RHOB: variants seen among roughly 807,000 people sequenced by gnomAD.
RHOB encodes ras homolog family member B, also known as rho-related GTP-binding protein RhoB.
In RHOB, 6 loss-of-function variants were observed where a neutral mutation model predicts 12.9. That is an observed-to-expected ratio of 0.47 (90% confidence interval 0.25 to 0.92). The LOEUF is 0.92. RHOB is among the 40% of genes least tolerant of loss of function. RHOB has a pLI of 0.16. For synonymous variants in RHOB, 168 were observed against 122.1 expected, an observed-to-expected ratio of 1.38 and a Z score of -2.48; for missense variants, 142 against 277.9, an observed-to-expected ratio of 0.51 and a Z score of 3.48.
In RHOB at chr2:20,447,920, A is replaced by G; in HGVS notation, c.455A>G (p.Gln152Arg). ...GGCCGCGCCATGGCCGTGCGCATCC[A>G]AGCCTACGACTACCTCGAGTGCTCT... ...DDGRAMAVRI[Q>R]AYDYLECSAK... The change falls in exon 1 of 1, where the codon CAA (glutamine) becomes CGA (arginine). Residue 152 changes from glutamine to arginine, a missense_variant. Physicochemically the swap from Gln to Arg is conservative, Grantham distance 43. Around this residue, in one of 2 missense-constraint regions of RHOB, gnomAD observed 113 missense variants for 166.3 expected, o/e 0.68. Coordinates refer to ENST00000272233, the MANE Select transcript of RHOB (RefSeq NM_004040.4). The G allele has an allele frequency of 6.2e-7, 1 of 1,613,126 alleles. No homozygotes were observed. Among genetic ancestry groups the G allele is most frequent in the Non-Finnish European group, 8.5e-7 (1 of 1,179,980 alleles).
Position 20,447,389 on chromosome 2 carries a change from GGTGAGCA to G in RHOB, c.-70_-64del. 1.3e-5 allele frequency: 16 copies of G among 1,208,140 alleles called. No homozygotes were observed. Among genetic ancestry groups the G allele is most frequent in the Non-Finnish European group, 1.5e-5 (13 of 873,998 alleles). The allele number at this position is 1,208,140 out of a possible 1,614,324, so 74.8% of individuals were successfully genotyped here. On this transcript the variant is annotated 5_prime_UTR_variant, in exon 1 of 1. Transcript: ENST00000272233. ...CTCTCGCCACCTGCGCGCAGCCCGA[GGTGAGCA>G]GTGAGCGGCGAGCGGGAGGGCAGCG...
rs937643404 is a variant in RHOB at position 20,447,209 on chromosome 2, C to T, written c.-257C>T. The stretch of plus-strand genomic sequence containing the variant: ...CGCGTTACGCACAAAGCCGCCGATC[C>T]CCGGCCTGGGGTGAGCAGAGCGACC... On this transcript the variant is annotated 5_prime_UTR_variant, in exon 1 of 1. Transcript: ENST00000272233. The T allele has an allele frequency of 2.3e-5, 8 of 344,596 alleles. No individual in the cohort carries two copies. The highest frequency in any genetic ancestry group is 4.9e-5 in the Admixed American group (1 of 20,560). The allele number at this position is 344,596 out of a possible 1,614,324, so 21.3% of individuals were successfully genotyped here.
At position 20,448,244 on chromosome 2, in the gene RHOB, T is replaced by A; in HGVS notation, c.*188T>A. On this transcript the variant is annotated 3_prime_UTR_variant, in exon 1 of 1. Coordinates refer to ENST00000272233, the MANE Select transcript of RHOB (RefSeq NM_004040.4). ...CACCGGGCGCCCCCATCCCAGTGTC[T>A]GTGTGCGTCCAGCTGTGTTGCACAG... is the stretch of plus-strand genomic sequence containing the variant. 1.6e-6 allele frequency: 1 copy of A among 620,466 alleles called. No individual in the cohort carries two copies. Among genetic ancestry groups the A allele is most frequent in the East Asian group, 2.8e-5 (1 of 36,128 alleles). The allele number at this position is 620,466 out of a possible 1,614,324, so 38.4% of individuals were successfully genotyped here.
In RHOB at chr2:20,447,430, G is replaced by T; in HGVS notation, c.-36G>T. 1 of 1,526,546 alleles carries T rather than the reference G, an allele frequency of 6.6e-7. No homozygotes were observed. The allele number at this position is 1,526,546 out of a possible 1,614,324, so 94.6% of individuals were successfully genotyped here. A position where few individuals can be genotyped will look rare whatever the true frequency, so the allele number is the denominator to read the frequency against. On this transcript the variant is annotated 5_prime_UTR_variant, in exon 1 of 1. Coordinates refer to ENST00000272233, the MANE Select transcript of RHOB (RefSeq NM_004040.4). ...CGAGCGGGAGGGCAGCGAGGCGTTC[G>T]CGGGCCCCCTCCTGCTGCCCGGGCC...
Position 20,447,258 on chromosome 2 carries a change from G to A in RHOB, c.-208G>A. 5.1e-6 allele frequency: 2 copies of A among 393,692 alleles called. No individual in the cohort carries two copies. The highest frequency in any genetic ancestry group is 8.9e-6 in the Non-Finnish European group (2 of 225,118). 24.4% of individuals were successfully genotyped at this position (393,692 alleles called of 1,614,324 possible). ...CCACCGCCCGGGAGCAGCGCGGCGAGACGCACGGTGCGCCCTATGCCCCCG... is the reference window on the plus strand; with the variant it reads ...CCACCGCCCGGGAGCAGCGCGGCGAAACGCACGGTGCGCCCTATGCCCCCG... On this transcript the variant is annotated 5_prime_UTR_variant, in exon 1 of 1. Transcript: ENST00000272233.
rs752357514 is a variant in RHOB at position 20,447,540 on chromosome 2, C to T, written c.75C>T (p.Phe25=). 2 of 1,614,154 alleles carry T rather than the reference C, an allele frequency of 1.2e-6. No individual in the cohort carries two copies. Among genetic ancestry groups the T allele is most frequent in the Non-Finnish European group, 1.7e-6 (2 of 1,180,026 alleles). The change falls in exon 1 of 1, where the codon TTC becomes TTT. Residue 25 remains phenylalanine, a synonymous_variant. Coordinates refer to ENST00000272233, the MANE Select transcript of RHOB (RefSeq NM_004040.4). The part of the protein sequence containing the change: ...ACGKTCLLIV[F]SKDEFPEVYV... ...GCAAGACGTGCCTGCTGATCGTGTT[C>T]AGTAAGGACGAGTTCCCCGAGGTGT... is the stretch of plus-strand genomic sequence containing the variant.
At position 20,448,158 on chromosome 2, in the gene RHOB, C is replaced by T. The variant is rs1691038392; in HGVS notation, c.*102C>T. 9.5e-7 allele frequency: 1 copy of T among 1,049,204 alleles called. No homozygotes were observed. Among genetic ancestry groups the T allele is most frequent in the Non-Finnish European group, 1.4e-6 (1 of 730,148 alleles). The allele number at this position is 1,049,204 out of a possible 1,614,324, so 65.0% of individuals were successfully genotyped here. On this transcript the variant is annotated 3_prime_UTR_variant, in exon 1 of 1. Coordinates refer to ENST00000272233, the MANE Select transcript of RHOB (RefSeq NM_004040.4). ...GGAGACCCGTGTCCCACAAGGACCC[C>T]ACCGGCCTGCCTGGCATCTGTCTGC...
At position 20,447,364 on chromosome 2, in the gene RHOB, C is replaced by G; in HGVS notation, c.-102C>G. The G allele has an allele frequency of 1.1e-6, 1 of 900,678 alleles. No individual in the cohort carries two copies. The highest frequency in any genetic ancestry group is 3.8e-5 in the Admixed American group (1 of 25,990). 55.8% of individuals were successfully genotyped at this position (900,678 alleles called of 1,614,324 possible). A position where few individuals can be genotyped will look rare whatever the true frequency, so the allele number is the denominator to read the frequency against. ...CGGGGCCCGGGTGCAGCTAGCGACC[C>G]TCTCGCCACCTGCGCGCAGCCCGAG... On this transcript the variant is annotated 5_prime_UTR_variant, in exon 1 of 1. Transcript: ENST00000272233.
Position 20,448,085 on chromosome 2 carries a change from C to G in RHOB, c.*29C>G, listed in dbSNP as rs752630835. On this transcript the variant is annotated 3_prime_UTR_variant, in exon 1 of 1. Transcript: ENST00000272233. ...CCGCGCCCGTCGCGCCTGCCCCTGC[C>G]GGCACGGCTCCCCCTCCTGGACCAG... The G allele has an allele frequency of 5.8e-5, 90 of 1,557,806 alleles. 1 individual carries two copies. Among genetic ancestry groups the G allele is most frequent in the Non-Finnish European group, 1.5e-5 (17 of 1,141,150 alleles).
Position 20,447,127 on chromosome 2 carries a change from G to A in RHOB, c.-339G>A. 8.1e-6 allele frequency: 2 copies of A among 247,850 alleles called. No homozygotes were observed. The highest frequency in any genetic ancestry group is 7.7e-6 in the Non-Finnish European group (1 of 130,432). 15.4% of individuals were successfully genotyped at this position (247,850 alleles called of 1,614,324 possible). A position where few individuals can be genotyped will look rare whatever the true frequency, so the allele number is the denominator to read the frequency against. Reference sequence around the variant, plus strand: ...TTGTCTTGTATGCTCAGCGAGGCCCGGAGAGACCCGGGAGAGAGCTAGGCC... The same window carrying A: ...TTGTCTTGTATGCTCAGCGAGGCCCAGAGAGACCCGGGAGAGAGCTAGGCC... On this transcript the variant is annotated 5_prime_UTR_variant, in exon 1 of 1. Coordinates refer to ENST00000272233, the MANE Select transcript of RHOB (RefSeq NM_004040.4).
Position 20,447,501 on chromosome 2 carries a change from C to T in RHOB, c.36C>T (p.Gly12=), listed in dbSNP as rs1395748990. The T allele has an allele frequency of 6.2e-7, 1 of 1,612,558 alleles. No homozygotes were observed. Among genetic ancestry groups the T allele is most frequent in the East Asian group, 2.2e-5 (1 of 44,872 alleles). Residue 12 remains glycine, a synonymous_variant, in exon 1 of 1, where the codon GGC becomes GGT. Transcript: ENST00000272233. ...TCCGCAAGAAGCTGGTGGTGGTGGG[C>T]GACGGCGCGTGTGGCAAGACGTGCC... ...AAIRKKLVVV[G]DGACGKTCLL...
chr2:20,448,469 T>G lies in RHOB; in HGVS notation c.*413T>G, dbSNP rs1022405809. 2.5e-5 allele frequency: 5 copies of G among 197,812 alleles called. No homozygotes were observed. The highest frequency in any genetic ancestry group is 4.6e-5 in the Non-Finnish European group (4 of 87,742). 12.3% of individuals were successfully genotyped at this position (197,812 alleles called of 1,614,324 possible). On this transcript the variant is annotated 3_prime_UTR_variant, in exon 1 of 1. Transcript: ENST00000272233. Reference sequence around the variant, plus strand: ...ATGTTCGCCCTTCACCAGCGGGAGCTTGATATCCCTTGTCTGTAACATAGA... The same window carrying G: ...ATGTTCGCCCTTCACCAGCGGGAGCGTGATATCCCTTGTCTGTAACATAGA...
rs145127070 is a variant in RHOB at position 20,447,564 on chromosome 2, G to C, written c.99G>C (p.Val33=). The change falls in exon 1 of 1, where the codon GTG becomes GTC. Residue 33 remains valine, a synonymous_variant. Transcript: ENST00000272233. ...IVFSKDEFPE[V]YVPTVFENYV... ...TCAGTAAGGACGAGTTCCCCGAGGT[G>C]TACGTGCCCACCGTCTTCGAGAACT... The C allele has an allele frequency of 2.2e-4, 355 of 1,614,122 alleles. 1 individual carries two copies. In the African/African-American group the frequency reaches 4.3e-3, roughly 20 times the overall value.
Position 20,447,171 on chromosome 2 carries a change from T to A in RHOB, c.-295T>A. On this transcript the variant is annotated 5_prime_UTR_variant, in exon 1 of 1. Coordinates refer to ENST00000272233, the MANE Select transcript of RHOB (RefSeq NM_004040.4). ...CTAGGCCGAGTCCACCGCCCGAGTC[T>A]GCTGCCCGAGCCCGCGTTACGCACA... 1 of 307,558 alleles carries A rather than the reference T, an allele frequency of 3.3e-6. No individual in the cohort carries two copies. The highest frequency in any genetic ancestry group is 5.9e-6 in the Non-Finnish European group (1 of 169,168). 19.1% of individuals were successfully genotyped at this position (307,558 alleles called of 1,614,324 possible).
At position 20,448,480 on chromosome 2, in the gene RHOB, T is replaced by G. The variant is rs567008393; in HGVS notation, c.*424T>G. ...TCACCAGCGGGAGCTTGATATCCCT[T>G]GTCTGTAACATAGACCCCGGGTACT... On this transcript the variant is annotated 3_prime_UTR_variant, in exon 1 of 1. Transcript: ENST00000272233. The G allele has an allele frequency of 3.7e-5, 7 of 189,098 alleles. No individual in the cohort carries two copies. Among genetic ancestry groups the G allele is most frequent in the South Asian group, 2.7e-4 (2 of 7,468 alleles). 11.7% of individuals were successfully genotyped at this position (189,098 alleles called of 1,614,324 possible). A position where few individuals can be genotyped will look rare whatever the true frequency, so the allele number is the denominator to read the frequency against.
Position 20,447,111 on chromosome 2 carries a change from A to T in RHOB, c.-355A>T. The T allele has an allele frequency of 4.5e-6, 1 of 221,926 alleles. No homozygotes were observed. 13.7% of individuals were successfully genotyped at this position (221,926 alleles called of 1,614,324 possible). A position where few individuals can be genotyped will look rare whatever the true frequency, so the allele number is the denominator to read the frequency against. On this transcript the variant is annotated 5_prime_UTR_variant, in exon 1 of 1. The change abolishes an upstream ATG in the 5' untranslated region. Transcript: ENST00000272233. ...AGTCTGGTTGGAGCTGTTGTCTTGT[A>T]TGCTCAGCGAGGCCCGGAGAGACCC...
chr2:20,448,192 C>T lies in RHOB; in HGVS notation c.*136C>T. 2 of 798,920 alleles carry T rather than the reference C, an allele frequency of 2.5e-6. No individual in the cohort carries two copies. The highest frequency in any genetic ancestry group is 4.0e-6 in the Non-Finnish European group (2 of 505,000). 49.5% of individuals were successfully genotyped at this position (798,920 alleles called of 1,614,324 possible). A position where few individuals can be genotyped will look rare whatever the true frequency, so the allele number is the denominator to read the frequency against. ...GCCTGGCATCTGTCTGCTGACGCCT[C>T]TGGCTTGCGCCAGGACTTGGCGTGG... On this transcript the variant is annotated 3_prime_UTR_variant, in exon 1 of 1. Transcript: ENST00000272233.
Position 20,449,285 on chromosome 2 carries a change from A to G in RHOB, c.*1229A>G, listed in dbSNP as rs1227557029. The G allele has an allele frequency of 6.1e-6, 1 of 163,972 alleles. No individual in the cohort carries two copies. The highest frequency in any genetic ancestry group is 2.5e-5 in the African/African-American group (1 of 40,170). 10.2% of individuals were successfully genotyped at this position (163,972 alleles called of 1,614,324 possible). On this transcript the variant is annotated 3_prime_UTR_variant, in exon 1 of 1. Coordinates refer to ENST00000272233, the MANE Select transcript of RHOB (RefSeq NM_004040.4). ...CCTTTTTTCCCCTCCCCTCCCTCCC[A>G]GTGGTACTTCTACTAAATTGTTGTC...
rs34358430 is a variant in RHOB at position 20,449,172 on chromosome 2, A to AT, written c.*1128dup. ...AGGGCAGTAACAAGTATTGGGGCCT[A>AT]TTTTTTTTTTTTCCACAAGGCATTC... On this transcript the variant is annotated 3_prime_UTR_variant, in exon 1 of 1. Coordinates refer to ENST00000272233, the MANE Select transcript of RHOB (RefSeq NM_004040.4). 0.5 allele frequency: 80,027 copies of AT among 160,324 alleles called. 20,404 individuals carry two copies. Among genetic ancestry groups the AT allele is most frequent in the East Asian group, 0.87 (4,419 of 5,092 alleles). The allele number at this position is 160,324 out of a possible 1,614,324, so 9.9% of individuals were successfully genotyped here.
Sources: allele counts gnomAD v4.1 joint callset, GRCh38; gene constraint gnomAD v4.1.1; regional missense constraint gnomAD v4.1.1; transcripts MANE v1.5; gene names NCBI Gene and HGNC (gene_info 2026-07-23, HGNC 2026-07-21).